ISCA1: variants seen among roughly 807,000 people sequenced by gnomAD.
ISCA1 encodes iron-sulfur cluster assembly 1 homolog, mitochondrial.
ISCA1 carries 9 observed loss-of-function variants against 14.7 expected under a neutral mutation model. The observed-to-expected ratio is 0.61, with a 90% CI of 0.37 to 1.07. The LOEUF (loss-of-function observed/expected upper bound fraction) is 1.07, where lower values mean the gene tolerates loss of function less well. Among genes scored for constraint, ISCA1 ranks in the 50% least tolerant of loss-of-function variants. The pLI, the probability that ISCA1 is intolerant of heterozygous loss-of-function variation, is 0.01. For synonymous variants in ISCA1, 38 were observed against 54.3 expected (o/e 0.70, Z 1.32); for missense variants, 102 against 150.1 (o/e 0.68, Z 1.67).
At chr9:86,270,500 G>A (rs1042258058) in intron 3 of ISCA1, among the ~76,000 whole-genome samples, 3 of 150,330 alleles carry the variant, frequency 2.0e-5, no homozygotes, top group African/African-American at 7.3e-5. Context: ...TGGTGGGACT[G>A]TAAACTAGTT....
At chr9:86,277,690 T>G (rs1825455044) in intron 1 of ISCA1, among the ~76,000 whole-genome samples, 1 of 152,162 alleles carries the variant, frequency 6.6e-6, no homozygotes, top group Non-Finnish European at 1.5e-5. Flanking sequence ...CTAAGAAACA[T>G]GTAATTCTCA....
intron 1 of ISCA1, among the ~76,000 whole-genome samples, chr9:86,276,283 G>A (rs953234027): frequency 6.6e-6 from 1 of 152,048 alleles, no homozygotes; most frequent in Non-Finnish European, 1.5e-5. Flanking sequence ...CTGATGATCT[G>A]ACAGGAGGTG....
intron 3 of ISCA1, among the ~76,000 whole-genome samples, chr9:86,269,628 C>T (rs891110389): frequency 1.3e-4 from 20 of 151,962 alleles, no homozygotes; most frequent in South Asian, 1.0e-3. Flanking sequence ...AAACCCGCAT[C>T]GCCAAGTCAA....
chr9:86,267,717 C>CAAGT, intron 3 of ISCA1: 1 of 394,546 alleles, frequency 2.5e-6, no homozygotes, highest in Non-Finnish European at 3.4e-6. Flanking sequence ...CCTATAATCC[C>CAAGT]AGCTACTTGG....
At chr9:86,275,483 C>G (rs890068306) in intron 1 of ISCA1, among the ~76,000 whole-genome samples, 21 of 152,158 alleles carry the variant, frequency 1.4e-4, no homozygotes, top group Non-Finnish European at 2.8e-4. Context: ...GGGGTTGGGG[C>G]TCAGCTAGAT....
intron 2 of ISCA1, among the ~76,000 whole-genome samples, chr9:86,272,993 G>A (rs887001457): frequency 1.3e-5 from 2 of 152,192 alleles, no homozygotes. Flanking sequence ...AGAGGTGACT[G>A]TATACAGCAA....
At chr9:86,266,270 A>C in intron 3 of ISCA1, 79 bp from the exon 4 acceptor site, 1 of 1,510,102 alleles carries the variant, frequency 6.6e-7, no homozygotes, top group Non-Finnish European at 8.8e-7. Flanking sequence ...AGTGAACTTG[A>C]AATAGTGACT....
intron 1 of ISCA1, among the ~76,000 whole-genome samples, chr9:86,275,395 T>C (rs1263278558): frequency 1.3e-5 from 2 of 152,130 alleles, no homozygotes; most frequent in Non-Finnish European, 2.9e-5. Flanking sequence ...TAAGACTTGG[T>C]AGTAAACTGA....
At chr9:86,270,176 T>A in intron 3 of ISCA1, among the ~76,000 whole-genome samples, 1 of 131,104 alleles carries the variant, frequency 7.6e-6, no homozygotes, top group African/African-American at 3.1e-5. Context: ...TGGGAGAAAA[T>A]TTTCACAACC....
At chr9:86,282,081 C>T (rs1001526266) in intron 1 of ISCA1, 45 of 436,904 alleles carry the variant, frequency 1.0e-4, no homozygotes, top group African/African-American at 8.8e-4. Flanking sequence ...TGGAGGCGAT[C>T]GGCCCCCGGG....
In ISCA1 at chr9:86,265,857, G is replaced by A; in HGVS notation, c.*186C>T. The A allele has an allele frequency of 1.1e-6, 1 of 944,680 alleles. No homozygotes were observed. The highest frequency in any genetic ancestry group is 1.7e-6 in the Non-Finnish European group (1 of 596,556). The allele number at this position is 944,680 out of a possible 1,614,324, so 58.5% of individuals were successfully genotyped here. A position where few individuals can be genotyped will look rare whatever the true frequency, so the allele number is the denominator to read the frequency against. ...ACCTAAATGATCCAAAAAGAGTGATGGCTTCTCATTTTCTGTCCCCTATAG... is the reference window on the plus strand; with the variant it reads ...ACCTAAATGATCCAAAAAGAGTGATAGCTTCTCATTTTCTGTCCCCTATAG... On this transcript the variant is annotated 3_prime_UTR_variant, in exon 4 of 4. Coordinates refer to ENST00000375991, the MANE Select transcript of ISCA1 (RefSeq NM_030940.4).
intron 2 of ISCA1, 60 bp from the exon 3 acceptor site, chr9:86,272,172 C>A: frequency 9.8e-7 from 1 of 1,016,558 alleles, no homozygotes; most frequent in South Asian, 1.3e-5. Context: ...AACAATTATA[C>A]TAATAAAGTG....
At chr9:86,270,962 G>C (rs1308895610) in intron 3 of ISCA1, among the ~76,000 whole-genome samples, 2 of 109,408 alleles carry the variant, frequency 1.8e-5, no homozygotes, top group Non-Finnish European at 3.6e-5. Context: ...GGAGGGGGGA[G>C]GGATAGCATT....
At chr9:86,282,101 C>T (rs1466732528) in intron 1 of ISCA1, 5 of 465,036 alleles carry the variant, frequency 1.1e-5, no homozygotes, top group African/African-American at 6.2e-5. Flanking sequence ...GGACGCCCAC[C>T]CCCGGGATCC....
intron 1 of ISCA1, among the ~76,000 whole-genome samples, chr9:86,280,794 G>A (rs1015719208): frequency 2.0e-5 from 3 of 151,910 alleles, no homozygotes; most frequent in Admixed American, 6.6e-5. Flanking sequence ...CATGCATGAC[G>A]GTGCACACCG....
At chr9:86,267,396 ATT>A in intron 3 of ISCA1, 2 of 895,596 alleles carry the variant, frequency 2.2e-6, no homozygotes, top group Non-Finnish European at 2.7e-6. Context: ...AAAGGTCTTT[ATT>A]GATAGTTATA....
At chr9:86,278,404 C>T in intron 1 of ISCA1, among the ~76,000 whole-genome samples, 1 of 152,014 alleles carries the variant, frequency 6.6e-6, no homozygotes, top group South Asian at 2.1e-4. Context: ...GTGGCTCATG[C>T]CTGTAATGCC....
chr9:86,278,423 GGGAGGCCAAGGT>G (rs1171732459), intron 1 of ISCA1, among the ~76,000 whole-genome samples: 3 of 152,078 alleles, frequency 2.0e-5, no homozygotes, highest in African/African-American at 7.2e-5. Flanking sequence ...CCAGCACTTT[GGGAGGCCAAGGT>G]GGGAGGACGG....
intron 1 of ISCA1, among the ~76,000 whole-genome samples, chr9:86,280,206 C>T (rs530194826): frequency 4.3e-4 from 66 of 152,268 alleles, no homozygotes; most frequent in African/African-American, 1.6e-3. Context: ...AACTGTATAA[C>T]TCATTCATTT....
Sources: gnomAD v4.1 joint callset for allele counts (sites outside exome capture counted in the v4.1 genomes callset) on GRCh38, gnomAD v4.1.1 for gene constraint, MANE v1.5 for transcripts, NCBI Gene and HGNC (gene_info 2026-07-23, HGNC 2026-07-21) for gene names.